The following ANKRD31 variants were observed in gnomAD, a reference collection of about 807,000 sequenced individuals.
ANKRD31 encodes ankyrin repeat domain 31, also known as ankyrin repeat domain-containing protein 31.
Under a neutral mutation model 186.0 loss-of-function variants are expected in ANKRD31, and 147 were observed. The observed-to-expected ratio is 0.79, with a 90% CI of 0.69 to 0.91. The LOEUF is 0.91. Ranked by LOEUF, ANKRD31 falls within the 40% of genes least tolerant of loss-of-function variation. The probability of loss-of-function intolerance (pLI) is 0.00; values close to 1 mark genes in which losing one functional copy is unlikely to be tolerated. For synonymous variants in ANKRD31, 673 were observed against 736.4 expected, an observed-to-expected ratio of 0.91 and a Z score of 1.39; for missense variants, 1,986 against 2,148.8, an observed-to-expected ratio of 0.92 and a Z score of 1.50.
chr5:75,208,341 C>T (rs1217245811), intron 4 of ANKRD31, among the ~76,000 whole-genome samples: 2 of 152,032 alleles, frequency 1.3e-5, no homozygotes, highest in Admixed American at 6.6e-5. Flanking sequence ...TGGCAAGCTG[C>T]GTACTCTGAA....
intron 25 of ANKRD31, among the ~76,000 whole-genome samples, chr5:75,076,391 A>C (rs113669213): frequency 8.7e-4 from 132 of 152,288 alleles, no homozygotes; most frequent in African/African-American, 2.6e-3. Context: ...GAACTCAGGA[A>C]AGCACTTTAC....
At chr5:75,119,546 G>C (rs1318780325) in intron 17 of ANKRD31, among the ~76,000 whole-genome samples, 2 of 152,170 alleles carry the variant, frequency 1.3e-5, no homozygotes, top group Non-Finnish European at 2.9e-5. Flanking sequence ...TGTGAATAGT[G>C]CTGCAATTAA....
intron 1 of ANKRD31, among the ~76,000 whole-genome samples, chr5:75,231,765 T>C (rs771035621): frequency 1.5e-4 from 23 of 152,100 alleles, no homozygotes; most frequent in Non-Finnish European, 2.5e-4. Context: ...CCAGGTACTA[T>C]CACTCACTGA....
At chr5:75,190,619 G>A (rs939997359) in intron 9 of ANKRD31, among the ~76,000 whole-genome samples, 2 of 151,760 alleles carry the variant, frequency 1.3e-5, no homozygotes, top group African/African-American at 4.8e-5. Context: ...GTGTGTGTGT[G>A]TGTGTGTATT....
intron 2 of ANKRD31, among the ~76,000 whole-genome samples, chr5:75,226,718 TATC>T (rs1190981833): frequency 6.6e-6 from 1 of 152,154 alleles, no homozygotes; most frequent in Non-Finnish European, 1.5e-5. Context: ...TACAATGAAA[TATC>T]ATCTGACTCC....
chr5:75,146,142 A>G lies in ANKRD31; in HGVS notation c.3269T>C (p.Ile1090Thr). 6 of 1,535,852 alleles carry G rather than the reference A, an allele frequency of 3.9e-6. No homozygotes were observed. Among genetic ancestry groups the G allele is most frequent in the South Asian group, 1.2e-5 (1 of 83,964 alleles). ...PLSIVAHSQV[I>T]ETTKVEKRRQ... ...CCTTTTTTCAACTTTAGTTGTTTCT[A>G]TTACTTGAGAATGAGCAACTATGGA... Residue 1090 changes from isoleucine to threonine, a missense_variant, in exon 14 of 26, where the codon ATA becomes ACA. Ile to Thr is a moderately conservative substitution (Grantham distance 89). Transcript: ENST00000506364.
intron 11 of ANKRD31, among the ~76,000 whole-genome samples, chr5:75,168,440 T>C (rs190807371): frequency 7.9e-5 from 12 of 152,352 alleles, no homozygotes; most frequent in African/African-American, 2.4e-4. Context: ...AAACCATGTA[T>C]ACTAGAATTC....
chr5:75,123,927 A>G (rs895945091), intron 17 of ANKRD31, among the ~76,000 whole-genome samples: 1 of 152,128 alleles, frequency 6.6e-6, no homozygotes, highest in African/African-American at 2.4e-5. Flanking sequence ...AAACAGACAT[A>G]TGAAACTATA....
intron 11 of ANKRD31, among the ~76,000 whole-genome samples, chr5:75,159,610 A>G (rs1752436212): frequency 6.6e-6 from 1 of 151,998 alleles, no homozygotes; most frequent in Admixed American, 6.6e-5. Context: ...AAAACTGCCA[A>G]GCAAGAATCT....
At chr5:75,134,339 C>T (rs1026916871) in intron 17 of ANKRD31, among the ~76,000 whole-genome samples, 1 of 152,076 alleles carries the variant, frequency 6.6e-6, no homozygotes, top group African/African-American at 2.4e-5. Flanking sequence ...GATATCACCA[C>T]CGATTCCACA....
chr5:75,087,164 C>A (rs1580296403), intron 23 of ANKRD31, among the ~76,000 whole-genome samples: 2 of 152,150 alleles, frequency 1.3e-5, no homozygotes, highest in African/African-American at 4.8e-5. Flanking sequence ...AAGTATCATC[C>A]CATTTTTCAT....
intron 20 of ANKRD31, among the ~76,000 whole-genome samples, chr5:75,108,980 A>C (rs996563014): frequency 5.3e-5 from 8 of 152,206 alleles, no homozygotes; most frequent in Non-Finnish European, 1.2e-4. Flanking sequence ...TAAATTTTAT[A>C]TATAATTTGG....
intron 10 of ANKRD31, among the ~76,000 whole-genome samples, chr5:75,181,342 C>G (rs1182259265): frequency 4.6e-5 from 7 of 152,062 alleles, no homozygotes; most frequent in African/African-American, 1.7e-4. Flanking sequence ...CCTCAGGGAT[C>G]TAGAACTAGA....
intron 6 of ANKRD31, among the ~76,000 whole-genome samples, chr5:75,196,588 T>A (rs1378896950): frequency 2.0e-5 from 3 of 152,226 alleles, no homozygotes; most frequent in Non-Finnish European, 4.4e-5. Flanking sequence ...CAAAATGTCC[T>A]ATTTGATTTA....
intron 19 of ANKRD31, among the ~76,000 whole-genome samples, chr5:75,113,963 C>T (rs1258029599): frequency 1.3e-5 from 2 of 152,156 alleles, no homozygotes; most frequent in Admixed American, 6.6e-5. Flanking sequence ...CTCCTTTGCT[C>T]ATATTGTAGA....
intron 23 of ANKRD31, among the ~76,000 whole-genome samples, chr5:75,084,869 G>C (rs764191339): frequency 3.9e-5 from 6 of 152,138 alleles, no homozygotes; most frequent in Non-Finnish European, 8.8e-5. Flanking sequence ...TTCAGGTCTA[G>C]ACATCCATTT....
intron 22 of ANKRD31, among the ~76,000 whole-genome samples, chr5:75,097,238 G>C (rs995403068): frequency 6.6e-6 from 1 of 152,198 alleles, no homozygotes; most frequent in East Asian, 1.9e-4. Flanking sequence ...TCACCACACT[G>C]TCTTCCACGA....
At chr5:75,180,976 C>G (rs1394218029) in intron 10 of ANKRD31, among the ~76,000 whole-genome samples, 1 of 151,410 alleles carries the variant, frequency 6.6e-6, no homozygotes, top group African/African-American at 2.4e-5. Flanking sequence ...TTTTTGCAAC[C>G]TACTCATCTG....
chr5:75,235,649 C>A (rs1269581839), intron 1 of ANKRD31, among the ~76,000 whole-genome samples: 1 of 152,186 alleles, frequency 6.6e-6, no homozygotes, highest in Non-Finnish European at 1.5e-5. Context: ...AGCCCTGCCC[C>A]AAGGCTGGCC....
Sources: gnomAD v4.1 joint callset for allele counts (sites outside exome capture counted in the v4.1 genomes callset) on GRCh38, gnomAD v4.1.1 for gene constraint, MANE v1.5 for transcripts, NCBI Gene and HGNC (gene_info 2026-07-23, HGNC 2026-07-21) for gene names.